The following ZRANB3 variants were observed in gnomAD, a reference collection of about 807,000 sequenced individuals.
ZRANB3 encodes the protein zinc finger RANBP2-type containing 3, also known as DNA annealing helicase and endonuclease ZRANB3.
In ZRANB3, 125 loss-of-function variants were observed where a neutral mutation model predicts 133.8. That is an observed-to-expected ratio of 0.93 (90% confidence interval 0.81 to 1.08). ZRANB3 has a LOEUF of 1.08. Ranked by LOEUF, ZRANB3 falls within the 50% of genes least tolerant of loss-of-function variation. ZRANB3 has a pLI of 0.00. For missense variants in ZRANB3, 1,229 were observed against 1,275.5 expected, an observed-to-expected ratio of 0.96 and a Z score of 0.56; for synonymous variants, 387 against 432.7, an observed-to-expected ratio of 0.89 and a Z score of 1.31.
intron 13 of ZRANB3, 33 bp downstream of exon 13, chr2:135,230,480 C>A: frequency 6.8e-7 from 1 of 1,466,300 alleles, no homozygotes; most frequent in South Asian, 1.6e-5. Context: ...CACTAACAGC[C>A]CTTACCTCCA....
At chr2:135,414,592 C>A (rs1032547894) in intron 2 of ZRANB3, among the ~76,000 whole-genome samples, 52 of 152,258 alleles carry the variant, frequency 3.4e-4, no homozygotes, top group South Asian at 8.3e-4. Context: ...CTCAGCTCTG[C>A]ACCAAGTGGA....
intron 2 of ZRANB3, among the ~76,000 whole-genome samples, chr2:135,487,021 C>T (rs72986464): frequency 0.043 from 6,555 of 152,238 alleles, 473 homozygotes; most frequent in African/African-American, 0.15. Flanking sequence ...TACAGCCTTA[C>T]AAAATGTATT....
intron 2 of ZRANB3, among the ~76,000 whole-genome samples, chr2:135,492,822 G>C (rs947367294): frequency 1.4e-4 from 22 of 151,838 alleles, no homozygotes; most frequent in African/African-American, 5.3e-4. Context: ...GTGGAAATAA[G>C]AGTCCTAAAT....
intron 1 of ZRANB3, among the ~76,000 whole-genome samples, chr2:135,524,286 T>C (rs1372167855): frequency 1.3e-5 from 2 of 152,152 alleles, no homozygotes; most frequent in South Asian, 2.1e-4. Flanking sequence ...TTCACCATTT[T>C]AGTCAGGCTG....
chr2:135,286,544 G>A (rs1405784341), intron 8 of ZRANB3, among the ~76,000 whole-genome samples: 1 of 152,182 alleles, frequency 6.6e-6, no homozygotes, highest in Non-Finnish European at 1.5e-5. Flanking sequence ...TCCTAAAAGT[G>A]TTGGGATTAC....
At chr2:135,243,770 T>C (rs1487025842) in intron 12 of ZRANB3, among the ~76,000 whole-genome samples, 1 of 152,012 alleles carries the variant, frequency 6.6e-6, no homozygotes, top group Non-Finnish European at 1.5e-5. Context: ...AGGTGCATGC[T>C]GCCATGTCTG....
At chr2:135,385,590 C>T (rs1275778905) in intron 3 of ZRANB3, among the ~76,000 whole-genome samples, 1 of 152,174 alleles carries the variant, frequency 6.6e-6, no homozygotes, top group Non-Finnish European at 1.5e-5. Flanking sequence ...TCAAACTATA[C>T]TATAAGGCTA....
At chr2:135,322,121 T>G (rs908462186) in intron 6 of ZRANB3, among the ~76,000 whole-genome samples, 4 of 152,214 alleles carry the variant, frequency 2.6e-5, no homozygotes, top group Admixed American at 6.5e-5. Context: ...AGAGCATGTA[T>G]TGAAAAGACT....
At chr2:135,258,043 CTT>C (rs1160011388) in intron 12 of ZRANB3, among the ~76,000 whole-genome samples, 1 of 152,106 alleles carries the variant, frequency 6.6e-6, no homozygotes, top group African/African-American at 2.4e-5. Flanking sequence ...AATCCCAACA[CTT>C]TGGGAGGCTG....
intron 2 of ZRANB3, among the ~76,000 whole-genome samples, chr2:135,493,106 T>A (rs1374643993): frequency 5.1e-3 from 1 of 198 alleles, no homozygotes; most frequent in Non-Finnish European, 0.013. Context: ...CAAATATATA[T>A]ATATATATAT....
chr2:135,288,887 T>C (rs1053136155), intron 8 of ZRANB3, among the ~76,000 whole-genome samples: 4 of 151,742 alleles, frequency 2.6e-5, no homozygotes, highest in Non-Finnish European at 5.9e-5. Context: ...TGTGTGTGTG[T>C]GTGTGTGTGT....
intron 3 of ZRANB3, among the ~76,000 whole-genome samples, chr2:135,389,542 T>C (rs1466849191): frequency 1.3e-5 from 2 of 151,996 alleles, no homozygotes; most frequent in Admixed American, 6.6e-5. Context: ...CCTTCTCTAC[T>C]AAAAATACAA....
chr2:135,347,546 T>C (rs530383465), intron 5 of ZRANB3, among the ~76,000 whole-genome samples: 1 of 152,324 alleles, frequency 6.6e-6, no homozygotes, highest in East Asian at 1.9e-4. Context: ...CCTCCCAAAG[T>C]GCTGGGATCA....
At chr2:135,335,282 T>C in intron 6 of ZRANB3, among the ~76,000 whole-genome samples, 1 of 152,082 alleles carries the variant, frequency 6.6e-6, no homozygotes. Context: ...TGTCAAGATA[T>C]TCTAGACACT....
chr2:135,393,601 T>C (rs1687344970), intron 2 of ZRANB3, among the ~76,000 whole-genome samples: 1 of 152,156 alleles, frequency 6.6e-6, no homozygotes. Context: ...GAAATTTCTC[T>C]GGGCTGGCTT....
At position 135,477,133 on chromosome 2, in the gene ZRANB3, T is replaced by TTGC. The variant is rs750247838; in HGVS notation, c.161+27193_161+27195dup. 6.6e-5 allele frequency among the ~76,000 whole-genome samples: 10 copies of TTGC among 152,346 alleles called. No individual in the cohort carries two copies. In the East Asian group the frequency reaches 7.7e-4, roughly 12 times the overall value. ...ATTTAGTGTTTAATTTTCATTTTACTTGCTGTTGAAGTATAGTATGTCTTT... is the reference window on the plus strand; with the variant it reads ...ATTTAGTGTTTAATTTTCATTTTACTTGCTGCTGTTGAAGTATAGTATGTCTTT... On this transcript the variant is annotated intron_variant, in intron 2 of 20. Coordinates refer to ENST00000264159, the MANE Select transcript of ZRANB3 (RefSeq NM_032143.4).
intron 1 of ZRANB3, chr2:135,530,353 C>A (rs373006303): frequency 6.6e-6 from 1 of 152,144 alleles, no homozygotes; most frequent in Non-Finnish European, 1.5e-5. Flanking sequence ...GCGAGCAGGC[C>A]GAGACGCCCG....
chr2:135,210,274 C>G (rs1367674459), intron 17 of ZRANB3, among the ~76,000 whole-genome samples: 1 of 152,182 alleles, frequency 6.6e-6, no homozygotes, highest in African/African-American at 2.4e-5. Flanking sequence ...ATTTCCCTAT[C>G]TCTCAGAGAC....
chr2:135,211,016 G>C (rs1031556167), intron 17 of ZRANB3, among the ~76,000 whole-genome samples: 3 of 151,908 alleles, frequency 2.0e-5, no homozygotes, highest in Non-Finnish European at 4.4e-5. Flanking sequence ...GTGACAGAGA[G>C]AGACTCTGTC....
Sources: gnomAD v4.1 joint callset for allele counts (sites outside exome capture counted in the v4.1 genomes callset) on GRCh38, gnomAD v4.1.1 for gene constraint, MANE v1.5 for transcripts, NCBI Gene and HGNC (gene_info 2026-07-23, HGNC 2026-07-21) for gene names.